Variants in PDXDC1 observed in about 807,000 individuals in gnomAD.
PDXDC1 encodes pyridoxal dependent decarboxylase domain containing 1.
PDXDC1 carries 42 observed loss-of-function variants against 100.1 expected under a neutral mutation model. That is an observed-to-expected ratio of 0.42 (90% CI 0.33 to 0.54). The LOEUF is 0.54. PDXDC1 is among the 20% of genes least tolerant of loss of function. The pLI, the probability that PDXDC1 is intolerant of heterozygous loss-of-function variation, is 0.10. For missense variants in PDXDC1, 636 were observed against 979.2 expected, an observed-to-expected ratio of 0.65 and a Z score of 4.68; for synonymous variants, 260 against 371.7, an observed-to-expected ratio of 0.70 and a Z score of 3.46.
chr16:14,983,113 T>C (rs6498533), intron 1 of PDXDC1, among the ~76,000 whole-genome samples: 131,238 of 151,812 alleles, frequency 0.86, 55,586 homozygotes, highest in Admixed American at 0.92. Flanking sequence ...AAGAGGCCTC[T>C]GAAATAAGTC....
At chr16:14,992,508 C>G (rs1371045839) in intron 1 of PDXDC1, among the ~76,000 whole-genome samples, 1 of 152,288 alleles carries the variant, frequency 6.6e-6, no homozygotes, top group African/African-American at 2.4e-5. Context: ...TTCTCTTGAC[C>G]ATCATATTCC....
intron 16 of PDXDC1, chr16:15,079,888 C>T (rs56123121): frequency 4.7e-6 from 6 of 1,286,402 alleles, no homozygotes; most frequent in Middle Eastern, 2.2e-4. Flanking sequence ...TGAGTCACCA[C>T]GCCTGGCCAA....
At chr16:15,139,517 A>C (rs2151933002), downstream of PDXDC1, among the ~76,000 whole-genome samples, 1 of 138,504 alleles carries the variant, frequency 7.2e-6, no homozygotes, top group Non-Finnish European at 1.5e-5. Flanking sequence ...AAAAGAAGAA[A>C]AGGAAACTGG....
Position 15,082,846 on chromosome 16 carries a change from C to T in PDXDC1, c.1399+52790C>T, listed in dbSNP as rs182506958. ...ATTGTACAAAAACTTAAGCAGAATT[C>T]TTCTATGGAAGGCTTTGTCTTCAGG... On this transcript the variant is annotated intron_variant, in intron 16 of 16. Transcript: ENST00000535621. Among the ~76,000 whole-genome samples, 1,088 of 152,240 alleles carry T rather than the reference C, an allele frequency of 7.1e-3. 10 individuals are homozygous for T. The highest frequency in any genetic ancestry group is 0.011 in the Non-Finnish European group (718 of 68,012).
chr16:15,086,328 A>C, intron 16 of PDXDC1: 1 of 1,611,826 alleles, frequency 6.2e-7, no homozygotes, highest in Non-Finnish European at 8.5e-7. Flanking sequence ...AAAGTTCTGA[A>C]TTACATACTT....
intron 21 of PDXDC1, 30 bp downstream of exon 21, chr16:15,034,583 TGCTG>T: frequency 6.5e-7 from 1 of 1,531,630 alleles, no homozygotes; most frequent in Non-Finnish European, 9.0e-7. Flanking sequence ...TCCCAGGTCT[TGCTG>T]ACCTTGGGAG....
chr16:15,131,134 T>C (rs1204709904), intron 16 of PDXDC1: 1 of 1,602,066 alleles, frequency 6.2e-7, no homozygotes, highest in Non-Finnish European at 8.5e-7. Flanking sequence ...GGCCGCAGGG[T>C]TGCTGCTGTC....
chr16:15,083,437 A>G, intron 16 of PDXDC1: 2 of 1,577,246 alleles, frequency 1.3e-6, no homozygotes, highest in South Asian at 2.4e-5. Flanking sequence ...AAAAGAAAGA[A>G]AAAGACCTAA....
chr16:14,987,530 T>C (rs1969658402), intron 1 of PDXDC1, among the ~76,000 whole-genome samples: 1 of 152,300 alleles, frequency 6.6e-6, no homozygotes, highest in Non-Finnish European at 1.5e-5. Flanking sequence ...ATTTACTCTG[T>C]GTCTGACCCT....
At chr16:15,084,864 G>A (rs1485381533) in intron 16 of PDXDC1, among the ~76,000 whole-genome samples, 9 of 152,048 alleles carry the variant, frequency 5.9e-5, no homozygotes, top group African/African-American at 9.7e-5. Context: ...TCAGGAGTTC[G>A]AGACCAGCCT....
At chr16:15,099,144 C>T (rs960088311) in intron 16 of PDXDC1, among the ~76,000 whole-genome samples, 3 of 151,976 alleles carry the variant, frequency 2.0e-5, no homozygotes, top group South Asian at 2.1e-4. Flanking sequence ...AAATACTGGC[C>T]GGGCCCTGTG....
chr16:15,062,209 C>T (rs1316069207), intron 16 of PDXDC1, among the ~76,000 whole-genome samples: 1 of 152,118 alleles, frequency 6.6e-6, no homozygotes, highest in African/African-American at 2.4e-5. Flanking sequence ...ACCAACATAC[C>T]CACATAACTG....
At chr16:15,134,131 C>A in intron 16 of PDXDC1, 2 of 1,319,404 alleles carry the variant, frequency 1.5e-6, no homozygotes, top group Non-Finnish European at 2.1e-6. Context: ...AGCCCCACTT[C>A]TGCCTGCAGG....
Position 15,009,708 on chromosome 16 carries a change from A to G in PDXDC1, c.676A>G (p.Lys226Glu). ...TGTTGCCTTCCTGGAGAAACTGATTAAAGATGATATAGAGCGAGGAAGACT... is the reference window on the plus strand; with the variant it reads ...TGTTGCCTTCCTGGAGAAACTGATTGAAGATGATATAGAGCGAGGAAGACT... ...MDVAFLEKLI[K>E]DDIERGRLPL... Residue 226 changes from lysine (K) to glutamate (E), a missense_variant, in exon 8 of 23, where the codon AAA becomes GAA. By Grantham distance (56) the Lys-to-Glu change is moderately conservative. Transcript: ENST00000396410. 3.7e-6 allele frequency: 6 copies of G among 1,613,904 alleles called. No homozygotes were observed. The highest frequency in any genetic ancestry group is 5.1e-6 in the Non-Finnish European group (6 of 1,179,854).
chr16:15,067,683 AAGT>A (rs1288819374), intron 16 of PDXDC1, among the ~76,000 whole-genome samples: 1 of 151,768 alleles, frequency 6.6e-6, no homozygotes, highest in Admixed American at 6.6e-5. Flanking sequence ...TTTGGATAAG[AAGT>A]AGTAGTAATT....
At chr16:15,125,578 C>T (rs2047666383) in intron 16 of PDXDC1, 12 of 1,515,776 alleles carry the variant, frequency 7.9e-6, no homozygotes, top group Non-Finnish European at 1.1e-5. Context: ...AAACAAGTCA[C>T]TCTTCACCTG....
At chr16:14,996,586 C>T (rs1222773390) in intron 1 of PDXDC1, among the ~76,000 whole-genome samples, 3 of 152,272 alleles carry the variant, frequency 2.0e-5, no homozygotes, top group African/African-American at 4.8e-5. Context: ...TTTAATTCTG[C>T]AAAAAGTTCG....
At chr16:15,063,104 A>C in intron 16 of PDXDC1, 1 of 943,926 alleles carries the variant, frequency 1.1e-6, no homozygotes, top group South Asian at 1.3e-5. Flanking sequence ...TGCGGGGATT[A>C]CACGCACGAA....
At chr16:15,065,245 G>T in intron 16 of PDXDC1, 1 of 1,613,848 alleles carries the variant, frequency 6.2e-7, no homozygotes, top group South Asian at 1.1e-5. Context: ...GATCAAAGGG[G>T]AAGAAGGTGT....
Sources: gnomAD v4.1 joint callset for allele counts (sites outside exome capture counted in the v4.1 genomes callset) on GRCh38, gnomAD v4.1.1 for gene constraint, MANE v1.5 for transcripts, NCBI Gene and HGNC (gene_info 2026-07-23, HGNC 2026-07-21) for gene names.